Variants in ZNF407 observed in about 807,000 individuals in gnomAD.
ZNF407 encodes zinc finger protein 407.
A neutral mutation model predicts 131.2 loss-of-function variants in ZNF407; 17 were observed. The observed-to-expected ratio is 0.13, with a 90% CI of 0.09 to 0.19. ZNF407 has a LOEUF of 0.19. ZNF407 is among the 10% of genes least tolerant of loss of function. The pLI is 1.00. For synonymous variants in ZNF407, 1,156 were observed against 1,062.0 expected, an observed-to-expected ratio of 1.09 and a Z score of -1.72; for missense variants, 2,681 against 2,830.6, an observed-to-expected ratio of 0.95 and a Z score of 1.20.
chr18:74,842,517 C>T (rs1970647798), intron 4 of ZNF407, among the ~76,000 whole-genome samples: 1 of 152,010 alleles, frequency 6.6e-6, no homozygotes, highest in South Asian at 2.1e-4. Flanking sequence ...TTCCTTCTAT[C>T]CTCGTATTGT....
intron 7 of ZNF407, among the ~76,000 whole-genome samples, chr18:74,900,055 G>A (rs1265765638): frequency 1.3e-5 from 2 of 152,174 alleles, no homozygotes; most frequent in East Asian, 3.8e-4. Context: ...TTTCTGAAAT[G>A]TACTTTAATG....
chr18:74,984,208 C>G (rs1213210451), intron 8 of ZNF407, among the ~76,000 whole-genome samples: 1 of 152,152 alleles, frequency 6.6e-6, no homozygotes, highest in African/African-American at 2.4e-5. Flanking sequence ...GTTAGCCACT[C>G]CCAGCGAGCC....
chr18:74,684,614 G>A (rs748302841), intron 3 of ZNF407, among the ~76,000 whole-genome samples: 4 of 152,156 alleles, frequency 2.6e-5, no homozygotes, highest in African/African-American at 7.2e-5. Flanking sequence ...ACTGTAAACC[G>A]AATTATTTGC....
At chr18:75,015,520 A>G (rs959977204) in intron 8 of ZNF407, among the ~76,000 whole-genome samples, 8 of 148,068 alleles carry the variant, frequency 5.4e-5, no homozygotes, top group African/African-American at 2.0e-4. Flanking sequence ...TATAATATAT[A>G]TGTTTATATA....
intron 3 of ZNF407, among the ~76,000 whole-genome samples, chr18:74,679,936 G>A (rs1357386839): frequency 6.6e-6 from 1 of 152,204 alleles, no homozygotes; most frequent in East Asian, 1.9e-4. Context: ...TTTGACCAGT[G>A]TTGTGGCTTT....
At position 74,775,188 on chromosome 18, in the gene ZNF407, G is replaced by A. The variant is rs563633428; in HGVS notation, c.4803-6240G>A. On this transcript the variant is annotated intron_variant, in intron 3 of 8. Coordinates refer to ENST00000299687, the MANE Select transcript of ZNF407 (RefSeq NM_017757.3). ...TTTATCCTTTCTGTCTGCTAGGATT[G>A]TTGCTGGAAGGTTTCTACTTGGATT... is the stretch of plus-strand genomic sequence containing the variant. Among the ~76,000 whole-genome samples the A allele has an allele frequency of 3.9e-5, 6 of 152,290 alleles. No individual in the cohort carries two copies. The East Asian group carries it at 7.7e-4, about 20-fold the overall frequency.
chr18:74,636,196 TGG>T (rs1984455663), intron 2 of ZNF407, among the ~76,000 whole-genome samples: 1 of 152,228 alleles, frequency 6.6e-6, no homozygotes, highest in African/African-American at 2.4e-5. Flanking sequence ...TCTACCTTTG[TGG>T]ATCAAAATTA....
intron 8 of ZNF407, among the ~76,000 whole-genome samples, chr18:75,051,642 C>G (rs1237844167): frequency 6.6e-6 from 1 of 152,166 alleles, no homozygotes; most frequent in African/African-American, 2.4e-5. Context: ...ATCTCTGAAC[C>G]TTGGAGGTTT....
intron 4 of ZNF407, among the ~76,000 whole-genome samples, chr18:74,827,236 A>G (rs1157782021): frequency 1.3e-5 from 2 of 152,164 alleles, no homozygotes; most frequent in East Asian, 3.8e-4. Context: ...ATTTTGTGGA[A>G]AAATACTTGG....
intron 1 of ZNF407, among the ~76,000 whole-genome samples, chr18:74,612,903 C>G (rs1983126692): frequency 6.6e-6 from 1 of 152,020 alleles, no homozygotes. Flanking sequence ...GGGAAGAAAA[C>G]AAAAATCAAG....
intron 8 of ZNF407, among the ~76,000 whole-genome samples, chr18:74,941,099 C>T (rs1368951843): frequency 1.3e-5 from 2 of 152,182 alleles, no homozygotes; most frequent in Non-Finnish European, 2.9e-5. Context: ...GCCCTGCTGC[C>T]ATCCCTCTTA....
chr18:74,599,466 ATAGTAATATAC>A (rs1982480417), intron 1 of ZNF407, among the ~76,000 whole-genome samples: 1 of 152,246 alleles, frequency 6.6e-6, no homozygotes. Flanking sequence ...GGTGTTGGAA[ATAGTAATATAC>A]TTCCCTAGAG....
chr18:74,779,785 G>A (rs1238659872), intron 3 of ZNF407, among the ~76,000 whole-genome samples: 2 of 152,030 alleles, frequency 1.3e-5, no homozygotes, highest in African/African-American at 4.8e-5. Context: ...ACTGCACTGT[G>A]GATTCTAAGT....
intron 3 of ZNF407, among the ~76,000 whole-genome samples, chr18:74,768,060 C>T (rs1969282007): frequency 6.6e-6 from 1 of 152,056 alleles, no homozygotes; most frequent in Admixed American, 6.5e-5. Flanking sequence ...TTCATTTTCA[C>T]ATAAATTACA....
Position 75,065,268 on chromosome 18 carries a change from G to A in ZNF407, c.*800G>A, listed in dbSNP as rs1018903617. On this transcript the variant is annotated 3_prime_UTR_variant, in exon 9 of 9. Transcript: ENST00000299687. The stretch of plus-strand genomic sequence containing the variant: ...TAAAGCCTAAATGTGAAACGCACAC[G>A]CTGGAAGATATTGTTCCTATCAATA... 5 of 152,198 alleles carry A rather than the reference G, an allele frequency of 3.3e-5. No homozygotes were observed. Among genetic ancestry groups the A allele is most frequent in the Non-Finnish European group, 5.9e-5 (4 of 68,020 alleles). 9.4% of individuals were successfully genotyped at this position (152,198 alleles called of 1,614,324 possible).
In ZNF407 at chr18:75,054,923, G is replaced by A. The variant is rs185841479; in HGVS notation, c.5429-8227G>A. On this transcript the variant is annotated intron_variant, in intron 8 of 8. Coordinates refer to ENST00000299687, the MANE Select transcript of ZNF407 (RefSeq NM_017757.3). ...TACAAAGCCTGAAGGGCACTGTTAC[G>A]TGTTCTCAGCCATTGTCACTAATGC... Among the ~76,000 whole-genome samples, 834 of 152,300 alleles carry A rather than the reference G, an allele frequency of 5.5e-3. 9 individuals carry two copies. The highest frequency in any genetic ancestry group is 0.018 in the African/African-American group (764 of 41,560).
In ZNF407 at chr18:74,635,847, C is replaced by A; in HGVS notation, c.4687+141C>A. The stretch of plus-strand genomic sequence containing the variant: ...TGCCGTGTGCTGCTCTGCTTGTCTG[C>A]AATAAGTCATTGTTGACACTTAACA... On this transcript the variant is annotated intron_variant, in intron 2 of 8. Transcript: ENST00000299687. This position sits in a 1 kb window ranked among gnomAD's most constrained non-coding sequence, Gnocchi z 4.7. The A allele has an allele frequency of 8.7e-7, 1 of 1,152,696 alleles. No homozygotes were observed. The highest frequency in any genetic ancestry group is 1.2e-6 in the Non-Finnish European group (1 of 847,570). 71.4% of individuals were successfully genotyped at this position (1,152,696 alleles called of 1,614,324 possible).
intron 8 of ZNF407, among the ~76,000 whole-genome samples, chr18:74,968,853 CT>C (rs1305545244): frequency 1.3e-5 from 2 of 152,080 alleles, no homozygotes; most frequent in East Asian, 1.9e-4. Flanking sequence ...CCTTTAAATA[CT>C]TTTTTTGGTG....
At chr18:75,005,954 G>C (rs539623628) in intron 8 of ZNF407, among the ~76,000 whole-genome samples, 1 of 152,232 alleles carries the variant, frequency 6.6e-6, no homozygotes, top group African/African-American at 2.4e-5. Context: ...TTCTTCGTTA[G>C]AACATAGTAC....
Sources: allele counts gnomAD v4.1 joint callset (sites outside exome capture counted in the v4.1 genomes callset), GRCh38; gene constraint gnomAD v4.1.1; non-coding constraint Gnocchi (gnomAD v3.1); transcripts MANE v1.5; gene names NCBI Gene and HGNC (gene_info 2026-07-23, HGNC 2026-07-21).